Variants in SATB2 observed in about 807,000 individuals in gnomAD.
The protein encoded by SATB2 is DNA-binding protein SATB2.
In SATB2, 1 loss-of-function variant was observed where a neutral mutation model predicts 73.4. The ratio of observed to expected loss-of-function variants is 0.01; its 90% CI spans 0.00 to 0.06. SATB2 has a LOEUF of 0.06. SATB2 is among the 10% of genes least tolerant of loss of function. The pLI is 1.00. For synonymous variants in SATB2, 397 were observed against 367.0 expected (o/e 1.08, Z -0.93); for missense variants, 459 against 945.8 (o/e 0.49, Z 6.75).
In SATB2 at chr2:199,357,147, G is replaced by A. The variant is rs558816623; in HGVS notation, c.701-7974C>T. On this transcript the variant is annotated intron_variant, in intron 6 of 10. Transcript: ENST00000417098. Reference sequence around the variant, plus strand: ...GGGCATGTGGTTATTAATAGCTTTAGGATTTGGGTCAGGAGCAATCAACTT... The same window carrying A: ...GGGCATGTGGTTATTAATAGCTTTAAGATTTGGGTCAGGAGCAATCAACTT... 1.8e-4 allele frequency among the ~76,000 whole-genome samples: 27 copies of A among 152,328 alleles called. No individual in the cohort carries two copies. In the South Asian group the frequency reaches 5.4e-3, roughly 30 times the overall value.
At chr2:199,368,838 G>T in intron 5 of SATB2, 131 bp from the exon 6 acceptor site, 1 of 611,014 alleles carries the variant, frequency 1.6e-6, no homozygotes. Context: ...CCTGTAAACT[G>T]AACTATTAAC....
At chr2:199,439,704 GTCTC>G (rs145752822) in intron 2 of SATB2, among the ~76,000 whole-genome samples, 6 of 151,456 alleles carry the variant, frequency 4.0e-5, no homozygotes, top group Non-Finnish European at 8.8e-5. Flanking sequence ...ATCTCTCTCT[GTCTC>G]TCTCTCTCTC....
chr2:199,422,738 C>T (rs144854777), intron 3 of SATB2, among the ~76,000 whole-genome samples: 14 of 152,214 alleles, frequency 9.2e-5, no homozygotes, highest in African/African-American at 2.9e-4. Context: ...AATAATATTA[C>T]GTACTTCACA....
intron 3 of SATB2, among the ~76,000 whole-genome samples, chr2:199,412,308 G>A (rs949681295): frequency 9.2e-5 from 14 of 152,208 alleles, no homozygotes; most frequent in Admixed American, 2.6e-4. Flanking sequence ...AGTCCTGACT[G>A]AGCACTTCTG....
intron 10 of SATB2, among the ~76,000 whole-genome samples, chr2:199,280,222 C>A (rs1692444132): frequency 6.6e-6 from 1 of 152,334 alleles, no homozygotes; most frequent in African/African-American, 2.4e-5. Flanking sequence ...CTTATCACTT[C>A]CCCGATCAAT....
Position 199,337,494 on chromosome 2 carries a change from A to T in SATB2, c.1174-8584T>A, listed in dbSNP as rs188351072. 9.5e-4 allele frequency among the ~76,000 whole-genome samples: 145 copies of T among 152,340 alleles called. 1 individual carries two copies. Among genetic ancestry groups the T allele is most frequent in the African/African-American group, 3.3e-3 (136 of 41,580 alleles). On this transcript the variant is annotated intron_variant, in intron 7 of 10. Transcript: ENST00000417098. The stretch of plus-strand genomic sequence containing the variant: ...ACCAAAGTGTTTAATACATGGTAAT[A>T]GCATTGTTCCATGAAGGATTTTTTT...
At chr2:199,466,528 T>C (rs1692596358), upstream of SATB2, among the ~76,000 whole-genome samples, 1 of 152,090 alleles carries the variant, frequency 6.6e-6, no homozygotes, top group Non-Finnish European at 1.5e-5. Flanking sequence ...GAAGTTGAGA[T>C]CAGTGGCAGG....
chr2:199,343,771 G>A (rs1042412961), intron 7 of SATB2, among the ~76,000 whole-genome samples: 1 of 152,112 alleles, frequency 6.6e-6, no homozygotes, highest in Non-Finnish European at 1.5e-5. Flanking sequence ...TATCCTCAAG[G>A]CTGGCCCATG....
intron 3 of SATB2, among the ~76,000 whole-genome samples, chr2:199,426,562 G>T (rs764801819): frequency 6.6e-6 from 1 of 151,998 alleles, no homozygotes; most frequent in Non-Finnish European, 1.5e-5. Context: ...CTCCCAAAGT[G>T]CTGGGATTAC....
chr2:199,326,304 A>T (rs980955644), intron 8 of SATB2, among the ~76,000 whole-genome samples: 7 of 152,200 alleles, frequency 4.6e-5, no homozygotes, highest in Non-Finnish European at 1.0e-4. Flanking sequence ...CCGTATTCTC[A>T]AAAACATGTT....
chr2:199,451,207 C>G (rs1692113054), intron 2 of SATB2, among the ~76,000 whole-genome samples: 1 of 151,692 alleles, frequency 6.6e-6, no homozygotes, highest in Admixed American at 6.6e-5. Flanking sequence ...TCCAAAATTA[C>G]TTGAAACATC....
At chr2:199,465,575 T>C (rs1692577971), upstream of SATB2, among the ~76,000 whole-genome samples, 1 of 152,230 alleles carries the variant, frequency 6.6e-6, no homozygotes, top group Non-Finnish European at 1.5e-5. Context: ...AACCATGCCG[T>C]AATTTAAAAA....
rs187192815 is a variant in SATB2 at position 199,385,335 on chromosome 2, T to C, written c.347-3515A>G. ...TTTTTATAGAGACAGGGTTTCACCATGTTGGCCAGGCTGGTCTCCAACTCC... is the reference window on the plus strand; with the variant it reads ...TTTTTATAGAGACAGGGTTTCACCACGTTGGCCAGGCTGGTCTCCAACTCC... On this transcript the variant is annotated intron_variant, in intron 3 of 10. Coordinates refer to ENST00000417098, the MANE Select transcript of SATB2 (RefSeq NM_001172509.2). 5.0e-3 allele frequency among the ~76,000 whole-genome samples: 756 copies of C among 152,272 alleles called. 3 individuals carry two copies. The highest frequency in any genetic ancestry group is 6.8e-3 in the Middle Eastern group (2 of 294).
rs200243765 is a variant in SATB2 at position 199,446,987 on chromosome 2, AC to A, written c.169+8881del. On this transcript the variant is annotated intron_variant, in intron 2 of 10. Transcript: ENST00000417098. The stretch of plus-strand genomic sequence containing the variant: ...CTGAGTAAAACCTGGAGCTCTGACT[AC>A]TCTGATGGCCGACATTATCTGCAGT... Among the ~76,000 whole-genome samples, 165 of 152,068 alleles carry A rather than the reference AC, an allele frequency of 1.1e-3. 2 individuals are homozygous for A. Among genetic ancestry groups the A allele is most frequent in the African/African-American group, 3.8e-3 (158 of 41,498 alleles).
At chr2:199,333,362 C>T (rs544594882) in intron 7 of SATB2, among the ~76,000 whole-genome samples, 3 of 151,460 alleles carry the variant, frequency 2.0e-5, no homozygotes, top group African/African-American at 7.3e-5. Flanking sequence ...CACCTTGGCT[C>T]AAAGGAGGGA....
At chr2:199,293,401 CT>C (rs1197148208) in intron 10 of SATB2, among the ~76,000 whole-genome samples, 1 of 152,004 alleles carries the variant, frequency 6.6e-6, no homozygotes, top group Non-Finnish European at 1.5e-5. Context: ...GTAGCCCAAA[CT>C]TCTACAAAGG....
Position 199,362,339 on chromosome 2 carries a change from G to A in SATB2, c.700+6266C>T, listed in dbSNP as rs996674629. ...CTTGTCCTTAAGGTATAATTCATGC[G>A]CTGTCTCTCCCTAACCGCCCACCCC... On this transcript the variant is annotated intron_variant, in intron 6 of 10. Transcript: ENST00000417098. Among the ~76,000 whole-genome samples the A allele has an allele frequency of 4.0e-5, 6 of 151,164 alleles. No homozygotes were observed. In the East Asian group the frequency reaches 5.8e-4, roughly 15 times the overall value.
intron 6 of SATB2, among the ~76,000 whole-genome samples, chr2:199,362,922 T>C (rs1689180172): frequency 6.6e-6 from 1 of 152,234 alleles, no homozygotes; most frequent in Non-Finnish European, 1.5e-5. Context: ...CCTTTCTTAA[T>C]GTCTATTTAA....
At chr2:199,391,432 C>CAAAAAAAA (rs56190034) in intron 3 of SATB2, among the ~76,000 whole-genome samples, 30 of 98,542 alleles carry the variant, frequency 3.0e-4, no homozygotes, top group African/African-American at 8.7e-4. Context: ...GACTCCGTCT[C>CAAAAAAAA]AAAAAAAAAA....
Sources: allele counts gnomAD v4.1 joint callset (sites outside exome capture counted in the v4.1 genomes callset), GRCh38; gene constraint gnomAD v4.1.1; transcripts MANE v1.5; gene names NCBI Gene and HGNC (gene_info 2026-07-23, HGNC 2026-07-21).